HTT: variants seen among roughly 807,000 people sequenced by gnomAD.
HTT encodes the protein huntingtin.
A neutral mutation model predicts 362.3 loss-of-function variants in HTT; 104 were observed. The observed-to-expected ratio is 0.29, with a 90% CI of 0.24 to 0.34. The LOEUF (loss-of-function observed/expected upper bound fraction) is 0.34, where lower values mean the gene tolerates loss of function less well. Ranked by LOEUF, HTT falls within the 10% of genes least tolerant of loss-of-function variation. The probability of loss-of-function intolerance (pLI) is 1.00; values close to 1 mark genes in which losing one functional copy is unlikely to be tolerated. For missense variants in HTT, 3,301 were observed against 3,928.6 expected (o/e 0.84, Z 4.27); for synonymous variants, 1,577 against 1,548.7 (o/e 1.02, Z -0.43).
rs144268076 is a variant in HTT at position 3,234,780 on chromosome 4, G to A, written c.8457-504G>A. On this transcript the variant is annotated intron_variant, in intron 61 of 66. Coordinates refer to ENST00000355072, the MANE Select transcript of HTT (RefSeq NM_001388492.1). ...GGCACGTTTTTGTGGGTGTTGGGGG[G>A]CATCGTATTGGCTCCTCTGTTCACA... 1.6e-3 allele frequency among the ~76,000 whole-genome samples: 250 copies of A among 152,312 alleles called. 1 individual carries two copies. Among genetic ancestry groups the A allele is most frequent in the Non-Finnish European group, 2.3e-3 (158 of 68,022 alleles).
At chr4:3,107,752 G>A (rs997661290) in intron 6 of HTT, among the ~76,000 whole-genome samples, 1 of 152,236 alleles carries the variant, frequency 6.6e-6, no homozygotes, top group Non-Finnish European at 1.5e-5. Flanking sequence ...AAGACTGCAG[G>A]TAGGAGAAAG....
intron 40 of HTT, among the ~76,000 whole-genome samples, chr4:3,195,610 G>A (rs1719213081): frequency 6.6e-6 from 1 of 151,998 alleles, no homozygotes; most frequent in Admixed American, 6.6e-5. Context: ...TCTCATCTCA[G>A]CCACGTTCTC....
At chr4:3,138,018 A>G (rs1447946793) in intron 21 of HTT, among the ~76,000 whole-genome samples, 1 of 152,078 alleles carries the variant, frequency 6.6e-6, no homozygotes, top group African/African-American at 2.4e-5. Context: ...GGATTTTTAA[A>G]TAATTTTGGT....
chr4:3,081,248 A>G (rs78174369), intron 1 of HTT, among the ~76,000 whole-genome samples: 1,706 of 152,304 alleles, frequency 0.011, 32 homozygotes, highest in African/African-American at 0.039. Flanking sequence ...GTCAGATTGT[A>G]AGTATTTCGG....
chr4:3,212,194 A>G, intron 48 of HTT, 52 bp downstream of exon 48: 1 of 1,364,150 alleles, frequency 7.3e-7, no homozygotes, highest in Non-Finnish European at 1.0e-6. Context: ...CAGGGCCAGT[A>G]TAGTACTTTG....
At chr4:3,147,947 C>G in intron 25 of HTT, 58 bp from the exon 26 acceptor site, 1 of 1,382,684 alleles carries the variant, frequency 7.2e-7, no homozygotes, top group Non-Finnish European at 1.0e-6. Flanking sequence ...GTTCCCCAAG[C>G]AATTTGTCCT....
At chr4:3,204,213 A>G (rs1719735739) in intron 42 of HTT, 65 bp downstream of exon 42, 2 of 1,568,488 alleles carry the variant, frequency 1.3e-6, no homozygotes, top group Admixed American at 1.7e-5. Flanking sequence ...TCCTGTGTAG[A>G]TGACACTTGC....
At chr4:3,079,046 C>T (rs1031361225) in intron 1 of HTT, among the ~76,000 whole-genome samples, 3 of 151,740 alleles carry the variant, frequency 2.0e-5, no homozygotes, top group Non-Finnish European at 4.4e-5. Flanking sequence ...CCACTGTGCC[C>T]GGCCACGCCT....
chr4:3,193,385 T>C (rs2110254968), intron 40 of HTT, among the ~76,000 whole-genome samples: 1 of 152,376 alleles, frequency 6.6e-6, no homozygotes, highest in Middle Eastern at 3.4e-3. Context: ...GATAGGTCAA[T>C]TTTAGTATGT....
At chr4:3,227,927 G>T (rs865910289) in intron 57 of HTT, among the ~76,000 whole-genome samples, 1 of 152,216 alleles carries the variant, frequency 6.6e-6, no homozygotes. Context: ...TGGGCGAGGG[G>T]AGTGCAGGGG....
Position 3,074,973 on chromosome 4 carries a change from C to T in HTT, c.148C>T (p.Gln50Ter). The change falls in exon 1 of 67, where the codon CAG (glutamine) becomes TAG (stop). Residue 50 changes from glutamine to a stop codon, truncating the protein, a stop_gained. Transcript: ENST00000355072. LOFTEE classifies it high-confidence loss of function. ...PPPPPPPPPP[Q>*]LPQPPPQAQP... is the part of the protein sequence containing the mutation. ...GCCGCCGCCGCCGCCGCCGCCTCCT[C>T]AGCTTCCTCAGCCGCCGCCGCAGGC... 1 of 1,431,664 alleles carries T rather than the reference C, an allele frequency of 7.0e-7. No individual in the cohort carries two copies. The highest frequency in any genetic ancestry group is 9.3e-7 in the Non-Finnish European group (1 of 1,071,984). The allele number at this position is 1,431,664 out of a possible 1,614,324, so 88.7% of individuals were successfully genotyped here.
chr4:3,142,598 G>C (rs979848845), intron 22 of HTT, among the ~76,000 whole-genome samples, 168 bp from the exon 23 acceptor site: 1 of 152,048 alleles, frequency 6.6e-6, no homozygotes, highest in African/African-American at 2.4e-5. Context: ...AATAAATTCA[G>C]CCATTGTTAT....
chr4:3,226,015 CAG>C (rs1344094960), intron 57 of HTT, among the ~76,000 whole-genome samples: 2 of 152,078 alleles, frequency 1.3e-5, no homozygotes, highest in Admixed American at 1.3e-4. Flanking sequence ...GTGTAAGAGA[CAG>C]TGAGAGGGCG....
In HTT at chr4:3,116,028, C is replaced by A. The variant is rs552840884; in HGVS notation, c.890-57C>A. The A allele has an allele frequency of 1.1e-4, 165 of 1,467,568 alleles. 2 individuals are homozygous for A. The highest frequency in any genetic ancestry group is 1.5e-4 in the Non-Finnish European group (160 of 1,052,792). 90.9% of individuals were successfully genotyped at this position (1,467,568 alleles called of 1,614,324 possible). ...ATCTCTTCTTTTTTAACAGATTAAG[C>A]CGGGAATCTCCAAACAGTGAGTCAG... On this transcript the variant is annotated intron_variant, in intron 7 of 66. Transcript: ENST00000355072.
At chr4:3,169,556 T>C (rs531234691) in intron 29 of HTT, among the ~76,000 whole-genome samples, 4 of 152,302 alleles carry the variant, frequency 2.6e-5, no homozygotes, top group Non-Finnish European at 5.9e-5. Flanking sequence ...TGTTAATCTG[T>C]TGTTAATCCT....
At chr4:3,139,910 G>A (rs1032619991) in intron 21 of HTT, among the ~76,000 whole-genome samples, 1 of 152,184 alleles carries the variant, frequency 6.6e-6, no homozygotes, top group South Asian at 2.1e-4. Context: ...TTTAATTAAA[G>A]CATTTAATAG....
chr4:3,208,635 A>G (rs1165094463), intron 45 of HTT, 138 bp from the exon 46 acceptor site: 1 of 717,472 alleles, frequency 1.4e-6, no homozygotes, highest in Non-Finnish European at 2.1e-6. Flanking sequence ...AAACAAGTGT[A>G]TTTTCCTTTA....
At chr4:3,143,601 A>G (rs1016370192) in intron 23 of HTT, among the ~76,000 whole-genome samples, 10 of 150,880 alleles carry the variant, frequency 6.6e-5, no homozygotes, top group African/African-American at 2.2e-4. Context: ...TTATTTTTTT[A>G]ATTTTATTAT....
intron 2 of HTT, among the ~76,000 whole-genome samples, chr4:3,090,394 G>T (rs977333279): frequency 2.6e-5 from 4 of 152,112 alleles, no homozygotes; most frequent in Non-Finnish European, 5.9e-5. Flanking sequence ...AGTAGGTAGG[G>T]ACTACACATT....
Sources: gnomAD v4.1 joint callset for allele counts (sites outside exome capture counted in the v4.1 genomes callset) on GRCh38, gnomAD v4.1.1 for gene constraint, MANE v1.5 for transcripts, NCBI Gene and HGNC (gene_info 2026-07-23, HGNC 2026-07-21) for gene names.